Variants in LIFR observed in about 807,000 individuals in gnomAD.
LIFR encodes LIF receptor subunit alpha, also known as leukemia inhibitory factor receptor.
Under a neutral mutation model 122.2 loss-of-function variants are expected in LIFR, and 84 were observed. That is an observed-to-expected ratio of 0.69 (90% confidence interval 0.58 to 0.82). The LOEUF is 0.82. LIFR is among the 40% of genes least tolerant of loss of function. LIFR has a pLI of 0.00. For synonymous variants in LIFR, 422 were observed against 434.7 expected, an observed-to-expected ratio of 0.97 and a Z score of 0.36; for missense variants, 1,294 against 1,311.6, an observed-to-expected ratio of 0.99 and a Z score of 0.21.
chr5:38,576,441 C>T (rs1749388768), intron 1 of LIFR, among the ~76,000 whole-genome samples: 1 of 152,220 alleles, frequency 6.6e-6, no homozygotes, highest in South Asian at 2.1e-4. Flanking sequence ...AACCTTGGCA[C>T]TCTTGACATC....
intron 1 of LIFR, among the ~76,000 whole-genome samples, chr5:38,548,035 A>T (rs892482037): frequency 3.9e-5 from 6 of 152,090 alleles, no homozygotes; most frequent in Admixed American, 1.3e-4. Flanking sequence ...ACGACTATAA[A>T]TGCTTTATTG....
chr5:38,546,271 T>C (rs1348857240), intron 1 of LIFR, among the ~76,000 whole-genome samples: 1 of 152,122 alleles, frequency 6.6e-6, no homozygotes, highest in Non-Finnish European at 1.5e-5. Context: ...CATGAAAAGA[T>C]AAGGAACAAA....
intron 1 of LIFR, among the ~76,000 whole-genome samples, chr5:38,591,626 A>G (rs1374882509): frequency 3.9e-5 from 6 of 152,156 alleles, no homozygotes; most frequent in Non-Finnish European, 8.8e-5. Flanking sequence ...CTATTCACAA[A>G]CTTTTGTGGT....
intron 1 of LIFR, among the ~76,000 whole-genome samples, chr5:38,555,770 G>A (rs540287373): frequency 8.5e-5 from 13 of 152,080 alleles, no homozygotes; most frequent in Non-Finnish European, 1.8e-4. Flanking sequence ...TTCAGAACAC[G>A]TGATGTGCAG....
intron 7 of LIFR, among the ~76,000 whole-genome samples, chr5:38,508,410 T>C (rs1367929205): frequency 6.6e-6 from 1 of 152,284 alleles, no homozygotes; most frequent in Non-Finnish European, 1.5e-5. Context: ...GGATATACCA[T>C]GTTCATAGTT....
intron 4 of LIFR, among the ~76,000 whole-genome samples, chr5:38,524,684 CCATGGAGTCAGAA>C (rs1746582519): frequency 6.6e-6 from 1 of 152,066 alleles, no homozygotes; most frequent in African/African-American, 2.4e-5. Context: ...GAAGAAGACA[CCATGGAGTCAGAA>C]CGTGGATGCA....
chr5:38,539,005 G>A (rs2112601868), intron 1 of LIFR, among the ~76,000 whole-genome samples: 1 of 152,112 alleles, frequency 6.6e-6, no homozygotes, highest in South Asian at 2.1e-4. Context: ...CTGTCACCCA[G>A]GCTGGAGTGC....
In LIFR at chr5:38,480,010, T is replaced by G. The variant is rs1002434928; in HGVS notation, c.*1585A>C. 1 of 224,420 alleles carries G rather than the reference T, an allele frequency of 4.5e-6. No homozygotes were observed. The highest frequency in any genetic ancestry group is 2.2e-5 in the African/African-American group (1 of 44,784). 13.9% of individuals were successfully genotyped at this position (224,420 alleles called of 1,614,324 possible). On this transcript the variant is annotated 3_prime_UTR_variant, in exon 20 of 20. Transcript: ENST00000453190. ...AAATAGATTTTGTCACTTGTCACTC[T>G]GGCTTTTTTCCACAACATGGTTTTT...
At position 38,587,615 on chromosome 5, in the gene LIFR, G is replaced by A. The variant is rs552524028; in HGVS notation, c.-20+7646C>T. On this transcript the variant is annotated intron_variant, in intron 1 of 19. Coordinates refer to the LIFR transcript ENST00000263409. ...AGGCAGTGAAAAGCTATTAAAGATG[G>A]TGGTGGTGGTGGTTGTTACTGTTTT... Among the ~76,000 whole-genome samples, 26 of 152,278 alleles carry A rather than the reference G, an allele frequency of 1.7e-4. No individual in the cohort carries two copies. The South Asian group carries it at 5.4e-3, about 32-fold the overall frequency.
chr5:38,546,941 G>C (rs1359707009), intron 1 of LIFR, among the ~76,000 whole-genome samples: 1 of 152,132 alleles, frequency 6.6e-6, no homozygotes, highest in African/African-American at 2.4e-5. Flanking sequence ...AGTTGGCAAA[G>C]TCCTAAGTCT....
At chr5:38,554,957 G>T (rs1290766171) in intron 1 of LIFR, 1 of 152,166 alleles carries the variant, frequency 6.6e-6, no homozygotes, top group Non-Finnish European at 1.5e-5. Flanking sequence ...CCCCAGAAGA[G>T]AATACAAGTC....
In LIFR at chr5:38,515,109, T is replaced by C. The variant is rs541111947; in HGVS notation, c.562-3145A>G. Among the ~76,000 whole-genome samples, 10 of 152,124 alleles carry C rather than the reference T, an allele frequency of 6.6e-5. No homozygotes were observed. The East Asian group carries it at 1.7e-3, about 26-fold the overall frequency. On this transcript the variant is annotated intron_variant, in intron 5 of 19. Transcript: ENST00000453190. ...CCTTGGACCACAGCTTCCTAAGAAA[T>C]GTGCTGAAAGACACTGAAGTCTATC...
chr5:38,487,074 A>C (rs1222098830), intron 16 of LIFR, among the ~76,000 whole-genome samples: 1 of 152,070 alleles, frequency 6.6e-6, no homozygotes, highest in Non-Finnish European at 1.5e-5. Flanking sequence ...TCCCAGGTCC[A>C]CATCTTCTCT....
At chr5:38,526,266 T>C (rs1280464217) in intron 4 of LIFR, among the ~76,000 whole-genome samples, 1 of 152,146 alleles carries the variant, frequency 6.6e-6, no homozygotes, top group Admixed American at 6.6e-5. Flanking sequence ...CCTTAGGACA[T>C]AAGAAGATAA....
At chr5:38,496,633 A>C in intron 12 of LIFR, 38 bp from the exon 13 acceptor site, 1 of 1,454,286 alleles carries the variant, frequency 6.9e-7, no homozygotes, top group South Asian at 1.1e-5. Flanking sequence ...AACCCTGCAA[A>C]ACGTGACTGT....
upstream of LIFR, chr5:38,556,765 G>C (rs1386565338): frequency 1.5e-5 from 2 of 135,708 alleles, no homozygotes; most frequent in Admixed American, 7.2e-5. Flanking sequence ...CGCCCCCGCC[G>C]ATCCCCGGCC....
chr5:38,485,557 G>A (rs1744241837), intron 17 of LIFR: 2 of 511,036 alleles, frequency 3.9e-6, no homozygotes, highest in Non-Finnish European at 7.0e-6. Context: ...AATTCAATAT[G>A]ACTTTAGACC....
At chr5:38,590,639 A>T (rs989833500) in intron 1 of LIFR, among the ~76,000 whole-genome samples, 1 of 152,170 alleles carries the variant, frequency 6.6e-6, no homozygotes, top group Non-Finnish European at 1.5e-5. Context: ...ATCATCATCA[A>T]AATTCATTAG....
chr5:38,518,093 G>T lies in LIFR; in HGVS notation c.561+5326C>A, dbSNP rs1219957712. ...CATGCCACTGTACTCCAGCCAAGTT[G>T]ACAGAGCAGAACCCTATCTCTAAAA... is the stretch of plus-strand genomic sequence containing the variant. On this transcript the variant is annotated intron_variant, in intron 5 of 19. Transcript: ENST00000453190. Among the ~76,000 whole-genome samples, 4 of 151,618 alleles carry T rather than the reference G, an allele frequency of 2.6e-5. 1 individual carries two copies. In the East Asian group the frequency reaches 7.7e-4, roughly 29 times the overall value.
Sources: allele counts gnomAD v4.1 joint callset (sites outside exome capture counted in the v4.1 genomes callset), GRCh38; gene constraint gnomAD v4.1.1; transcripts MANE v1.5; gene names NCBI Gene and HGNC (gene_info 2026-07-23, HGNC 2026-07-21).